Variants in DOCK10 observed in about 807,000 individuals in gnomAD.
DOCK10 encodes the protein dedicator of cytokinesis 10.
DOCK10 carries 145 observed loss-of-function variants against 280.1 expected under a neutral mutation model. The observed-to-expected ratio is 0.52, with a 90% confidence interval of 0.45 to 0.59. The LOEUF is 0.59. Ranked by LOEUF, DOCK10 falls within the 20% of genes least tolerant of loss-of-function variation. DOCK10 has a pLI of 0.00. For missense variants in DOCK10, 2,368 were observed against 2,651.7 expected (o/e 0.89, Z 2.35); for synonymous variants, 915 against 942.2 (o/e 0.97, Z 0.53).
At chr2:224,825,708 C>A (rs186890754) in intron 27 of DOCK10, among the ~76,000 whole-genome samples, 354 of 152,312 alleles carry the variant, frequency 2.3e-3, no homozygotes, top group Non-Finnish European at 3.8e-3. Flanking sequence ...AGATGTCTGC[C>A]TAATAAATAT....
At chr2:224,948,539 A>AT (rs893140102) in intron 1 of DOCK10, among the ~76,000 whole-genome samples, 10 of 152,030 alleles carry the variant, frequency 6.6e-5, no homozygotes, top group African/African-American at 1.2e-4. Context: ...CAGATTTATT[A>AT]TTTTTTCCTT....
chr2:224,892,480 G>C (rs894166616), intron 4 of DOCK10, among the ~76,000 whole-genome samples: 4 of 149,514 alleles, frequency 2.7e-5, no homozygotes, highest in Non-Finnish European at 4.4e-5. Context: ...GGAGAAGAGC[G>C]ATGAGTGATC....
intron 41 of DOCK10, among the ~76,000 whole-genome samples, chr2:224,799,246 T>C (rs1692807800): frequency 1.3e-5 from 2 of 152,254 alleles, no homozygotes; most frequent in South Asian, 2.1e-4. Flanking sequence ...AAATTTCATA[T>C]AAATGGAATA....
chr2:224,779,982 G>A (rs1559382127), intron 50 of DOCK10, among the ~76,000 whole-genome samples: 1 of 152,144 alleles, frequency 6.6e-6, no homozygotes, highest in Non-Finnish European at 1.5e-5. Context: ...TTAGGAGGAG[G>A]TCACTCTATT....
intron 37 of DOCK10, 34 bp from the exon 38 acceptor site, chr2:224,804,875 T>C: frequency 6.9e-7 from 1 of 1,439,724 alleles, no homozygotes; most frequent in Non-Finnish European, 9.3e-7. Flanking sequence ...TTTTAATTAT[T>C]CATATTCTTT....
At position 224,864,657 on chromosome 2, in the gene DOCK10, T is replaced by G; in HGVS notation, c.1498A>C (p.Asn500His). 3 of 1,612,274 alleles carry G rather than the reference T, an allele frequency of 1.9e-6. No homozygotes were observed. Among genetic ancestry groups the G allele is most frequent in the Non-Finnish European group, 2.5e-6 (3 of 1,179,498 alleles). ...FPKQAVFSVS[N>H]PHSEIVLVAK... ...ACCAAAACAATTTCAGAATGTGGAT[T>G]GCTTACAGAAAATACAGCCTGTGTA... The change falls in exon 13 of 56, where the codon AAT becomes CAT. Residue 500 changes from asparagine to histidine, a missense_variant. Around this residue, in one of 2 missense-constraint regions of DOCK10, gnomAD observed 1,209 missense variants for 1,250.9 expected, o/e 0.97. Coordinates refer to ENST00000258390, the MANE Select transcript of DOCK10 (RefSeq NM_014689.3).
chr2:224,955,544 T>C (rs771510948), intron 1 of DOCK10, among the ~76,000 whole-genome samples: 2 of 152,228 alleles, frequency 1.3e-5, no homozygotes, highest in Non-Finnish European at 2.9e-5. Flanking sequence ...AAACCACTTA[T>C]TTAATGGCAC....
In DOCK10 at chr2:224,816,638, T is replaced by A; in HGVS notation, c.3343A>T (p.Ile1115Leu). ...HEHFIPLCLP[I>L]RSANIPDPLT... is the part of the protein sequence containing the mutation. The stretch of plus-strand genomic sequence containing the variant: ...TTACCTGGAATGTTTGCTGATCTTA[T>A]GGGCAGACACAAAGGGATAAAGTGT... The change falls in exon 30 of 56, where the codon ATA becomes TTA. Residue 1115 changes from isoleucine (I) to leucine (L), a missense_variant. Physicochemically the swap from Ile to Leu is conservative, Grantham distance 5 (BLOSUM62 2). Around this residue, in one of 2 missense-constraint regions of DOCK10, gnomAD observed 1,159 missense variants for 1,400.8 expected, o/e 0.83. Transcript: ENST00000258390. The A allele has an allele frequency of 2.5e-6, 4 of 1,605,094 alleles. No individual in the cohort carries two copies. Among genetic ancestry groups the A allele is most frequent in the Non-Finnish European group, 3.4e-6 (4 of 1,173,892 alleles).
At chr2:224,897,029 G>A (rs1700026709) in intron 3 of DOCK10, among the ~76,000 whole-genome samples, 1 of 152,144 alleles carries the variant, frequency 6.6e-6, no homozygotes, top group South Asian at 2.1e-4. Flanking sequence ...GCTTCCTTTG[G>A]CAAGCCCTGA....
At chr2:224,793,104 G>A (rs1296580381) in intron 46 of DOCK10, 32 bp from the exon 47 acceptor site, 2 of 1,446,754 alleles carry the variant, frequency 1.4e-6, no homozygotes, top group Non-Finnish European at 9.6e-7. Context: ...TTAGGACATT[G>A]CTACATGTTT....
At chr2:224,773,098 C>A in intron 53 of DOCK10, 59 bp downstream of exon 53, 1 of 1,432,500 alleles carries the variant, frequency 7.0e-7, no homozygotes, top group Non-Finnish European at 9.4e-7. Flanking sequence ...GTTCTCAGGG[C>A]ATTTTACACC....
At chr2:224,878,941 A>T (rs910652879) in intron 7 of DOCK10, among the ~76,000 whole-genome samples, 1 of 152,228 alleles carries the variant, frequency 6.6e-6, no homozygotes, top group Non-Finnish European at 1.5e-5. Context: ...TTGGACAAAA[A>T]CATAGCCAGT....
rs754240586 is a variant in DOCK10, at chr2:224,834,250, G to C, written c.2864C>G (p.Thr955Ser). 2.5e-6 allele frequency: 4 copies of C among 1,604,460 alleles called. No homozygotes were observed. The East Asian group carries it at 8.9e-5, about 36-fold the overall frequency. Residue 955 changes from threonine to serine, a missense_variant, in exon 26 of 56, where the codon ACC (threonine) becomes AGC (serine). Physicochemically the swap from Thr to Ser is moderately conservative, Grantham distance 58. This residue lies in a region of DOCK10 where 1,209 missense variants were observed against 1,250.9 expected (regional missense o/e 0.97). Transcript: ENST00000258390. ...TACAGTCCTCTCCTTGCATGCCCTG[G>C]TCTTGAACACGAACTGAAGAAAATC... ...VQSYIKFVFK[T>S]RACKERTVHE... is the part of the protein sequence containing the mutation.
At chr2:224,885,925 G>A (rs1258207785) in intron 6 of DOCK10, 120 bp from the exon 7 acceptor site, 2 of 1,497,490 alleles carry the variant, frequency 1.3e-6, no homozygotes, top group East Asian at 2.3e-5. Flanking sequence ...TTCTAGAGAA[G>A]AGCATCCTAC....
chr2:224,950,977 T>G (rs1703694263), intron 1 of DOCK10, among the ~76,000 whole-genome samples: 2 of 152,182 alleles, frequency 1.3e-5, no homozygotes, highest in Non-Finnish European at 1.5e-5. Flanking sequence ...AGGTGCTGCA[T>G]GGCATCTGAA....
At chr2:224,915,705 T>G (rs1001973080) in intron 3 of DOCK10, among the ~76,000 whole-genome samples, 3 of 152,220 alleles carry the variant, frequency 2.0e-5, no homozygotes, top group African/African-American at 7.2e-5. Context: ...TACTTTCAGT[T>G]TGACCTGTGC....
chr2:224,965,006 C>T (rs546528198), intron 1 of DOCK10, among the ~76,000 whole-genome samples: 1 of 152,256 alleles, frequency 6.6e-6, no homozygotes, highest in African/African-American at 2.4e-5. Flanking sequence ...TATGTCAATA[C>T]CACTATATCA....
intron 31 of DOCK10, among the ~76,000 whole-genome samples, chr2:224,810,245 T>C (rs1306130040): frequency 6.6e-6 from 1 of 152,114 alleles, no homozygotes; most frequent in African/African-American, 2.4e-5. Flanking sequence ...GTAACAAAAT[T>C]ACACTTGTAC....
At chr2:224,774,668 C>A (rs193150835) in intron 52 of DOCK10, among the ~76,000 whole-genome samples, 5 of 152,326 alleles carry the variant, frequency 3.3e-5, no homozygotes, top group Admixed American at 3.3e-4. Context: ...TTCACACTTA[C>A]AACCTTAAGG....
Sources: gnomAD v4.1 joint callset for allele counts (sites outside exome capture counted in the v4.1 genomes callset) on GRCh38, gnomAD v4.1.1 for gene constraint, gnomAD v4.1.1 regional missense constraint, MANE v1.5 for transcripts, NCBI Gene and HGNC (gene_info 2026-07-23, HGNC 2026-07-21) for gene names.